Variants in FGFR2 observed in about 807,000 individuals in gnomAD.
FGFR2 encodes fibroblast growth factor receptor 2, also known as BEK fibroblast growth factor receptor.
A neutral mutation model predicts 95.9 loss-of-function variants in FGFR2; 19 were observed. The observed-to-expected ratio is 0.20, with a 90% CI of 0.14 to 0.29. The LOEUF is 0.29. Among genes scored for constraint, FGFR2 ranks in the 10% least tolerant of loss-of-function variants. FGFR2 has a pLI of 1.00. For synonymous variants in FGFR2, 392 were observed against 393.3 expected (o/e 1.00, Z 0.04); for missense variants, 707 against 1,056.9 (o/e 0.67, Z 4.59).
At position 121,518,526 on chromosome 10, in the gene FGFR2, A is replaced by G. The variant is rs1850007325; in HGVS notation, c.940-1063T>C. On this transcript the variant is annotated intron_variant, in intron 7 of 17. Coordinates refer to ENST00000358487, the MANE Select transcript of FGFR2 (RefSeq NM_000141.5). The surrounding 1 kb of genome is among the most constrained non-coding windows in gnomAD (Gnocchi z 4.0). ...GCATTTTTCCATGGCTACTGGCATC[A>G]TACCAGCTGCATCACCGAAGAAAGA... is the stretch of plus-strand genomic sequence containing the variant. Among the ~76,000 whole-genome samples, 1 of 152,204 alleles carries G rather than the reference A, an allele frequency of 6.6e-6. No homozygotes were observed. The highest frequency in any genetic ancestry group is 2.4e-5 in the African/African-American group (1 of 41,454).
chr10:121,568,591 C>T (rs1590025475), intron 2 of FGFR2, among the ~76,000 whole-genome samples: 2 of 150,518 alleles, frequency 1.3e-5, no homozygotes, highest in African/African-American at 2.5e-5. Context: ...CCCTATGTCA[C>T]GCAGAGGAAT....
chr10:121,515,384 C>T (rs939407612), intron 8 of FGFR2, 65 bp from the exon 9 acceptor site: 44 of 1,490,610 alleles, frequency 3.0e-5, no homozygotes, highest in Non-Finnish European at 3.8e-5. Flanking sequence ...ACCAGACTGA[C>T]GCATCATAGC....
At chr10:121,525,569 T>C (rs1387018672) in intron 6 of FGFR2, among the ~76,000 whole-genome samples, 1 of 151,642 alleles carries the variant, frequency 6.6e-6, no homozygotes, top group African/African-American at 2.4e-5. Context: ...ATAACCCACC[T>C]AAAGACTGCA....
rs923476316 is a variant in FGFR2, at chr10:121,520,248, CTGTCAGT to C, written c.749-86_749-80del. Reference sequence around the variant, plus strand: ...TAAATAAGCTGTGTTGTCCAGAGGGCTGTCAGTGACCTCATGCCAGAAAAGCCTCAAG... The same window carrying C: ...TAAATAAGCTGTGTTGTCCAGAGGGCGACCTCATGCCAGAAAAGCCTCAAG... On this transcript the variant is annotated intron_variant, in intron 6 of 17. Transcript: ENST00000358487. 2.8e-6 allele frequency: 4 copies of C among 1,423,984 alleles called. No individual in the cohort carries two copies. In the African/African-American group the frequency reaches 5.7e-5, roughly 20 times the overall value. The allele number at this position is 1,423,984 out of a possible 1,614,324, so 88.2% of individuals were successfully genotyped here. A position where few individuals can be genotyped will look rare whatever the true frequency, so the allele number is the denominator to read the frequency against.
chr10:121,524,101 TACACACACACACACACACACAC>T (rs61527395), intron 6 of FGFR2, among the ~76,000 whole-genome samples: 2 of 89,132 alleles, frequency 2.2e-5, no homozygotes, highest in African/African-American at 7.2e-5. Flanking sequence ...CGGCTATGTA[TACACACACACACACACACACAC>T]ACACACACAC....
intron 2 of FGFR2, among the ~76,000 whole-genome samples, chr10:121,591,086 A>T (rs1163732774): frequency 6.6e-6 from 1 of 151,854 alleles, no homozygotes; most frequent in East Asian, 1.9e-4. Context: ...GCTGTTAAAA[A>T]CTCCTTTCTC....
At chr10:121,581,764 A>G (rs1384430030) in intron 2 of FGFR2, among the ~76,000 whole-genome samples, 4 of 136,230 alleles carry the variant, frequency 2.9e-5, no homozygotes, top group African/African-American at 5.4e-5. Flanking sequence ...CTGCATTTAA[A>G]AAAAAAAAAA....
chr10:121,501,594 A>C (rs1313270406), intron 10 of FGFR2, among the ~76,000 whole-genome samples: 1 of 152,238 alleles, frequency 6.6e-6, no homozygotes, highest in Non-Finnish European at 1.5e-5. Context: ...TGCACATCGG[A>C]CGAATAGCCA....
At chr10:121,523,110 A>G (rs1242645785) in intron 6 of FGFR2, among the ~76,000 whole-genome samples, 1 of 152,236 alleles carries the variant, frequency 6.6e-6, no homozygotes, top group Non-Finnish European at 1.5e-5. Context: ...GGTTACTCTT[A>G]GCACATTTCA....
At chr10:121,504,257 C>T (rs1259301447) in intron 9 of FGFR2, among the ~76,000 whole-genome samples, 3 of 152,166 alleles carry the variant, frequency 2.0e-5, no homozygotes, top group Non-Finnish European at 4.4e-5. Flanking sequence ...TGCAGACAGT[C>T]CTCTCTGGCT....
chr10:121,596,964 G>A (rs918358310), intron 1 of FGFR2, among the ~76,000 whole-genome samples: 4 of 152,158 alleles, frequency 2.6e-5, no homozygotes, highest in African/African-American at 9.7e-5. Context: ...CAGGGATTTG[G>A]GACCAGGGAG....
At chr10:121,556,102 TTGGATGGA>T (rs58257467) in intron 4 of FGFR2, among the ~76,000 whole-genome samples, 277 of 152,022 alleles carry the variant, frequency 1.8e-3, no homozygotes, top group African/African-American at 6.2e-3. Flanking sequence ...TCAAGCGTTA[TTGGATGGA>T]TGGATGGATG....
At chr10:121,587,363 CAAAG>C (rs1448100350) in intron 2 of FGFR2, among the ~76,000 whole-genome samples, 1 of 152,122 alleles carries the variant, frequency 6.6e-6, no homozygotes. Flanking sequence ...GATTTCATGA[CAAAG>C]ACATCAAAAG....
At chr10:121,515,083 G>A (rs2134218109) in intron 9 of FGFR2, 34 bp downstream of exon 9, 1 of 1,600,024 alleles carries the variant, frequency 6.2e-7, no homozygotes, top group Non-Finnish European at 8.6e-7. Context: ...TCATGGGGGA[G>A]GAGTAAATTT....
At chr10:121,569,334 C>G (rs1313317167) in intron 2 of FGFR2, among the ~76,000 whole-genome samples, 1 of 151,866 alleles carries the variant, frequency 6.6e-6, no homozygotes, top group African/African-American at 2.4e-5. Flanking sequence ...GATTCTCCTG[C>G]CTCAGCCTCC....
chr10:121,479,502 G>A lies in FGFR2; in HGVS notation c.*355C>T. 2 of 1,159,320 alleles carry A rather than the reference G, an allele frequency of 1.7e-6. No homozygotes were observed. The highest frequency in any genetic ancestry group is 2.5e-6 in the Non-Finnish European group (2 of 811,320). 71.8% of individuals were successfully genotyped at this position (1,159,320 alleles called of 1,614,324 possible). Reference sequence around the variant, plus strand: ...CACCTATATACTGCATTTGTGCTCTGTAAGTGTGTGCTGACATAAATCTTC... The same window carrying A: ...CACCTATATACTGCATTTGTGCTCTATAAGTGTGTGCTGACATAAATCTTC... On this transcript the variant is annotated 3_prime_UTR_variant, in exon 18 of 18. Coordinates refer to ENST00000358487, the MANE Select transcript of FGFR2 (RefSeq NM_000141.5).
intron 2 of FGFR2, among the ~76,000 whole-genome samples, chr10:121,578,674 C>CCT (rs1860330363): frequency 6.6e-6 from 1 of 152,268 alleles, no homozygotes; most frequent in African/African-American, 2.4e-5. Context: ...CTTTGGGAGG[C>CCT]CAAGACAGGT....
chr10:121,559,704 A>T (rs1856678716), intron 4 of FGFR2, among the ~76,000 whole-genome samples: 1 of 152,240 alleles, frequency 6.6e-6, no homozygotes, highest in Non-Finnish European at 1.5e-5. Context: ...TAATTACAAA[A>T]GAACCCTGCT....
chr10:121,480,065 G>C (rs749955913), intron 17 of FGFR2, 44 bp from the exon 18 acceptor site: 1 of 1,558,032 alleles, frequency 6.4e-7, no homozygotes, highest in Non-Finnish European at 8.9e-7. Context: ...CTTGGGTCAG[G>C]ATAACAAGGT....
Sources: gnomAD v4.1 joint callset for allele counts (sites outside exome capture counted in the v4.1 genomes callset) on GRCh38, gnomAD v4.1.1 for gene constraint, Gnocchi (gnomAD v3.1) non-coding constraint, MANE v1.5 for transcripts, NCBI Gene and HGNC (gene_info 2026-07-23, HGNC 2026-07-21) for gene names.